The following KBTBD7 variants were observed in gnomAD, a reference collection of about 807,000 sequenced individuals.
The protein encoded by KBTBD7 is kelch repeat and BTB domain-containing protein 7.
A neutral mutation model predicts 50.3 loss-of-function variants in KBTBD7; 25 were observed. The ratio of observed to expected loss-of-function variants is 0.50; its 90% CI spans 0.36 to 0.69. KBTBD7 has a LOEUF of 0.69. Among genes scored for constraint, KBTBD7 ranks in the 30% least tolerant of loss-of-function variants. KBTBD7 has a pLI of 0.00. For synonymous variants in KBTBD7, 305 were observed against 325.3 expected (o/e 0.94, Z 0.67); for missense variants, 653 against 869.5 (o/e 0.75, Z 3.13).
chr13:41,194,416 CTCCCTTTATTGCATAGACAG>C lies in KBTBD7; in HGVS notation c.-179_-160del. ...ATTCAGCCCTATCCCGCGGTGAGGC[CTCCCTTTATTGCATAGACAG>C]TGGCTGACTCACCCTCTCTCACTCC... On this transcript the variant is annotated 5_prime_UTR_variant, in exon 1 of 1. An upstream start codon of the reference 5' UTR is lost. Transcript: ENST00000379483. The C allele has an allele frequency of 1.1e-6, 1 of 948,372 alleles. No homozygotes were observed. The highest frequency in any genetic ancestry group is 1.6e-6 in the Non-Finnish European group (1 of 640,934). The allele number at this position is 948,372 out of a possible 1,614,324, so 58.7% of individuals were successfully genotyped here. A position where few individuals can be genotyped will look rare whatever the true frequency, so the allele number is the denominator to read the frequency against.
Position 41,192,604 on chromosome 13 carries a change from A to G in KBTBD7, c.1654T>C (p.Leu552=). The G allele has an allele frequency of 6.2e-7, 1 of 1,614,162 alleles. No homozygotes were observed. Among genetic ancestry groups the G allele is most frequent in the African/African-American group, 1.3e-5 (1 of 75,026 alleles). ...GEWRRISNIP[L]DSETHNYQIV... Reference sequence around the variant, plus strand: ...TGGTAGTTGTGGGTCTCTGAATCCAAAGGAATATTACTAATCCGCCTCCAT... The same window carrying G: ...TGGTAGTTGTGGGTCTCTGAATCCAGAGGAATATTACTAATCCGCCTCCAT... Residue 552 remains leucine, a synonymous_variant, in exon 1 of 1, where the codon TTG becomes CTG. Coordinates refer to ENST00000379483, the MANE Select transcript of KBTBD7 (RefSeq NM_032138.7).
chr13:41,194,129 C>G lies in KBTBD7; in HGVS notation c.129G>C (p.Thr43=). ...GTGCCAGCAGGGCTGCAGAATGGGC[C>G]GTGTCCTTTAACTCCTCTGGACCCG... ...FFTGPEELKD[T]AHSAALLAQL... is the part of the protein sequence containing the mutation. Residue 43 remains threonine (T), a synonymous_variant, in exon 1 of 1, where the codon ACG becomes ACC. Coordinates refer to ENST00000379483, the MANE Select transcript of KBTBD7 (RefSeq NM_032138.7). The G allele has an allele frequency of 1.9e-6, 3 of 1,614,204 alleles. No homozygotes were observed. The highest frequency in any genetic ancestry group is 2.5e-6 in the Non-Finnish European group (3 of 1,180,052).
rs1279240759 is a variant in KBTBD7, at chr13:41,194,408, G to T, written c.-151C>A. The T allele has an allele frequency of 2.3e-5, 24 of 1,022,792 alleles. No individual in the cohort carries two copies. Among genetic ancestry groups the T allele is most frequent in the Non-Finnish European group, 3.2e-5 (23 of 708,124 alleles). 63.4% of individuals were successfully genotyped at this position (1,022,792 alleles called of 1,614,324 possible). A position where few individuals can be genotyped will look rare whatever the true frequency, so the allele number is the denominator to read the frequency against. On this transcript the variant is annotated 5_prime_UTR_variant, in exon 1 of 1. Transcript: ENST00000379483. Reference sequence around the variant, plus strand: ...ACTTCTGAATTCAGCCCTATCCCGCGGTGAGGCCTCCCTTTATTGCATAGA... The same window carrying T: ...ACTTCTGAATTCAGCCCTATCCCGCTGTGAGGCCTCCCTTTATTGCATAGA...
At position 41,194,167 on chromosome 13, in the gene KBTBD7, A is replaced by T. The variant is rs1216944316; in HGVS notation, c.91T>A (p.Ser31Thr). ...TCCTCTGGACCCGTGAAAAAGGCCG[A>T]AACCGAGGGCTTGGAAATCCTCTTG... Reference protein sequence around the residue: ...RPKRISKPSVSAFFTGPEELK... With the variant: ...RPKRISKPSVTAFFTGPEELK... The change falls in exon 1 of 1, where the codon TCG becomes ACG. Residue 31 changes from serine to threonine, a missense_variant. This residue lies in a region of KBTBD7 where 119 missense variants were observed against 125.0 expected (regional missense o/e 0.95). Transcript: ENST00000379483. The T allele has an allele frequency of 6.2e-7, 1 of 1,614,110 alleles. No individual in the cohort carries two copies. Among genetic ancestry groups the T allele is most frequent in the African/African-American group, 1.3e-5 (1 of 74,946 alleles).
Position 41,193,574 on chromosome 13 carries a change from C to T in KBTBD7, c.684G>A (p.Leu228=). Residue 228 remains leucine (L), a synonymous_variant, in exon 1 of 1, where the codon CTG becomes CTA. Coordinates refer to ENST00000379483, the MANE Select transcript of KBTBD7 (RefSeq NM_032138.7). This position sits in a 1 kb window ranked among gnomAD's most constrained non-coding sequence, Gnocchi z 5.7. Reference sequence around the variant, plus strand: ...GCTCACTCTCTATGTCCAGACTATCCAGGCGTAGGACAGCCAGCAGCTGGG... The same window carrying T: ...GCTCACTCTCTATGTCCAGACTATCTAGGCGTAGGACAGCCAGCAGCTGGG... ...TLAQLLAVLR[L]DSLDIESERT... 1 of 1,614,206 alleles carries T rather than the reference C, an allele frequency of 6.2e-7. No individual in the cohort carries two copies. The highest frequency in any genetic ancestry group is 8.5e-7 in the Non-Finnish European group (1 of 1,180,024).
chr13:41,193,159 A>C lies in KBTBD7; in HGVS notation c.1099T>G (p.Tyr367Asp). 7 of 1,614,212 alleles carry C rather than the reference A, an allele frequency of 4.3e-6. No homozygotes were observed. Among genetic ancestry groups the C allele is most frequent in the Non-Finnish European group, 5.9e-6 (7 of 1,180,042 alleles). Reference protein sequence around the residue: ...LCYDPYSGDIYTMPSPLTSFA... With the variant: ...LCYDPYSGDIDTMPSPLTSFA... The stretch of plus-strand genomic sequence containing the variant: ...CTGGTCAAAGGGGATGGCATTGTGT[A>C]AATGTCCCCCGAGTAAGGGTCATAG... Residue 367 changes from tyrosine to aspartate, a missense_variant, in exon 1 of 1, where the codon TAC becomes GAC. This residue lies in a region of KBTBD7 where 526 missense variants were observed against 717.1 expected (regional missense o/e 0.73). Coordinates refer to ENST00000379483, the MANE Select transcript of KBTBD7 (RefSeq NM_032138.7). This position sits in a 1 kb window ranked among gnomAD's most constrained non-coding sequence, Gnocchi z 5.7.
chr13:41,192,423 A>T lies in KBTBD7; in HGVS notation c.1835T>A (p.Ile612Asn). The change falls in exon 1 of 1, where the codon ATT becomes AAT. Residue 612 changes from isoleucine to asparagine, a missense_variant. Coordinates refer to ENST00000379483, the MANE Select transcript of KBTBD7 (RefSeq NM_032138.7). The part of the protein sequence containing the change: ...LGLLQFDSGF[I>N]CLCARVYPSC... Reference sequence around the variant, plus strand: ...AGGATAAACACGAGCACAAAGGCAAATAAAGCCAGAGTCAAACTGCAAAAG... The same window carrying T: ...AGGATAAACACGAGCACAAAGGCAATTAAAGCCAGAGTCAAACTGCAAAAG... The T allele has an allele frequency of 6.2e-7, 1 of 1,614,224 alleles. No individual in the cohort carries two copies. Among genetic ancestry groups the T allele is most frequent in the South Asian group, 1.1e-5 (1 of 91,082 alleles).
Position 41,192,320 on chromosome 13 carries a change from T to C in KBTBD7, c.1938A>G (p.Leu646=). 6.2e-7 allele frequency: 1 copy of C among 1,614,202 alleles called. No homozygotes were observed. The highest frequency in any genetic ancestry group is 1.3e-5 in the African/African-American group (1 of 75,052). ...CAGAGTCCAGCTCACTGAATCCATCTAAGTCCCATTCAGTACTAGACTCAC... is the reference window on the plus strand; with the variant it reads ...CAGAGTCCAGCTCACTGAATCCATCCAAGTCCCATTCAGTACTAGACTCAC... ...ARSESSTEWD[L]DGFSELDSES... is the part of the protein sequence containing the mutation. Residue 646 remains leucine, a synonymous_variant, in exon 1 of 1, where the codon TTA becomes TTG. Transcript: ENST00000379483.
rs2031359560 is a variant in KBTBD7 at position 41,190,500 on chromosome 13, G to C, written c.*1703C>G. 6.6e-6 allele frequency: 1 copy of C among 152,066 alleles called. No homozygotes were observed. Among genetic ancestry groups the C allele is most frequent in the Non-Finnish European group, 1.5e-5 (1 of 67,982 alleles). 9.4% of individuals were successfully genotyped at this position (152,066 alleles called of 1,614,324 possible). ...CCAGACTCCTCTGTCCTCTGCCAGGGTATAAGAAAAGTTAGCATTCTGTCA... is the reference window on the plus strand; with the variant it reads ...CCAGACTCCTCTGTCCTCTGCCAGGCTATAAGAAAAGTTAGCATTCTGTCA... On this transcript the variant is annotated 3_prime_UTR_variant, in exon 1 of 1. Coordinates refer to ENST00000379483, the MANE Select transcript of KBTBD7 (RefSeq NM_032138.7).
Position 41,192,640 on chromosome 13 carries a change from C to G in KBTBD7, c.1618G>C (p.Ala540Pro). 1.2e-6 allele frequency: 2 copies of G among 1,614,138 alleles called. No homozygotes were observed. Among genetic ancestry groups the G allele is most frequent in the Non-Finnish European group, 1.7e-6 (2 of 1,180,028 alleles). Residue 540 changes from alanine (A) to proline (P), a missense_variant, in exon 1 of 1, where the codon GCT (alanine) becomes CCT (proline). Ala to Pro is a conservative substitution (Grantham distance 27). Coordinates refer to ENST00000379483, the MANE Select transcript of KBTBD7 (RefSeq NM_032138.7). The part of the protein sequence containing the change: ...DIPVMKVYNP[A>P]RGEWRRISNI... ...CTAATCCGCCTCCATTCTCCCCTAGCTGGGTTGTAGACCTTCATGACTGGG... is the reference window on the plus strand; with the variant it reads ...CTAATCCGCCTCCATTCTCCCCTAGGTGGGTTGTAGACCTTCATGACTGGG...
rs2031446201 is a variant in KBTBD7 at position 41,193,472 on chromosome 13, G to C, written c.786C>G (p.Phe262Leu). 2 of 1,614,044 alleles carry C rather than the reference G, an allele frequency of 1.2e-6. No homozygotes were observed. Among genetic ancestry groups the C allele is most frequent in the East Asian group, 4.5e-5 (2 of 44,894 alleles). ...KERGPSAAEV[F>L]KCVRWMHFTE... ...TGAAGTGCATCCAGCGCACGCACTT[G>C]AAGACTTCTGCAGCACTGGGACCCC... The change falls in exon 1 of 1, where the codon TTC (phenylalanine) becomes TTG (leucine). Residue 262 changes from phenylalanine to leucine, a missense_variant. By Grantham distance (22) the Phe-to-Leu change is conservative (BLOSUM62 0). This residue lies in a region of KBTBD7 where 526 missense variants were observed against 717.1 expected (regional missense o/e 0.73). Coordinates refer to ENST00000379483, the MANE Select transcript of KBTBD7 (RefSeq NM_032138.7). This position sits in a 1 kb window ranked among gnomAD's most constrained non-coding sequence, Gnocchi z 5.7.
rs760470403 is a variant in KBTBD7 at position 41,192,315 on chromosome 13, C to T, written c.1943G>A (p.Gly648Glu). The change falls in exon 1 of 1, where the codon GGA becomes GAA. Residue 648 changes from glycine (G) to glutamate (E), a missense_variant. Gly to Glu is a moderately conservative substitution (Grantham distance 98, BLOSUM62 -2). This residue lies in a region of KBTBD7 where 526 missense variants were observed against 717.1 expected (regional missense o/e 0.73). Transcript: ENST00000379483. ...TGACTCAGAGTCCAGCTCACTGAAT[C>T]CATCTAAGTCCCATTCAGTACTAGA... is the stretch of plus-strand genomic sequence containing the variant. ...SESSTEWDLD[G>E]FSELDSESGS... 4.3e-6 allele frequency: 7 copies of T among 1,614,142 alleles called. No homozygotes were observed. In the South Asian group the frequency reaches 6.6e-5, roughly 15 times the overall value.
At position 41,194,427 on chromosome 13, in the gene KBTBD7, G is replaced by T. The variant is rs1178611772; in HGVS notation, c.-170C>A. 7.1e-6 allele frequency: 6 copies of T among 841,578 alleles called. No individual in the cohort carries two copies. The highest frequency in any genetic ancestry group is 1.1e-5 in the Non-Finnish European group (6 of 544,790). 52.1% of individuals were successfully genotyped at this position (841,578 alleles called of 1,614,324 possible). ...TCCCGCGGTGAGGCCTCCCTTTATTGCATAGACAGTGGCTGACTCACCCTC... is the reference window on the plus strand; with the variant it reads ...TCCCGCGGTGAGGCCTCCCTTTATTTCATAGACAGTGGCTGACTCACCCTC... On this transcript the variant is annotated 5_prime_UTR_variant, in exon 1 of 1. Coordinates refer to ENST00000379483, the MANE Select transcript of KBTBD7 (RefSeq NM_032138.7).
Position 41,193,538 on chromosome 13 carries a change from G to T in KBTBD7, c.720C>A (p.Cys240Ter). The change falls in exon 1 of 1, where the codon TGC becomes TGA. Residue 240 changes from cysteine to a stop codon, truncating the protein, a stop_gained. Transcript: ENST00000379483. LOFTEE classifies it high-confidence loss of function. The surrounding 1 kb of genome is among the most constrained non-coding windows in gnomAD (Gnocchi z 5.7). ...CCTCCAGCCACTGCACAGCTACATG[G>T]CATACAGTCCGCTCACTCTCTATGT... ...SLDIESERTV[C>*]HVAVQWLEAA... 6.2e-7 allele frequency: 1 copy of T among 1,614,192 alleles called. No individual in the cohort carries two copies. Among genetic ancestry groups the T allele is most frequent in the Non-Finnish European group, 8.5e-7 (1 of 1,180,042 alleles).
At position 41,189,836 on chromosome 13, in the gene KBTBD7, G is replaced by C. The variant is rs2031344988; in HGVS notation, c.*2367C>G. Reference sequence around the variant, plus strand: ...TTGAATTAGAAAGTCAGGAAACCTGGGTTCTAGTACCAGTTTTATTTATAA... The same window carrying C: ...TTGAATTAGAAAGTCAGGAAACCTGCGTTCTAGTACCAGTTTTATTTATAA... On this transcript the variant is annotated 3_prime_UTR_variant, in exon 1 of 1. Coordinates refer to ENST00000379483, the MANE Select transcript of KBTBD7 (RefSeq NM_032138.7). 6.6e-6 allele frequency: 1 copy of C among 152,110 alleles called. No individual in the cohort carries two copies. 9.4% of individuals were successfully genotyped at this position (152,110 alleles called of 1,614,324 possible). A position where few individuals can be genotyped will look rare whatever the true frequency, so the allele number is the denominator to read the frequency against.
In KBTBD7 at chr13:41,190,295, T is replaced by A. The variant is rs1270463206; in HGVS notation, c.*1908A>T. The A allele has an allele frequency of 6.6e-6, 1 of 152,192 alleles. No individual in the cohort carries two copies. The highest frequency in any genetic ancestry group is 1.5e-5 in the Non-Finnish European group (1 of 68,008). The allele number at this position is 152,192 out of a possible 1,614,324, so 9.4% of individuals were successfully genotyped here. On this transcript the variant is annotated 3_prime_UTR_variant, in exon 1 of 1. Transcript: ENST00000379483. Reference sequence around the variant, plus strand: ...GGTCACTAAAGCATGTTTACCCTTTTGAAGAAACATGTATTGCTAGGTCAG... The same window carrying A: ...GGTCACTAAAGCATGTTTACCCTTTAGAAGAAACATGTATTGCTAGGTCAG...
chr13:41,193,680 T>TG lies in KBTBD7; in HGVS notation c.577dup (p.Gln193ProfsTer38), dbSNP rs1273142077. ...CTTGAAGTTGTGAGCTATGTAGGAC[T>TG]GGGCCTGAGATCGAAGCTTGTGATG... On this transcript the variant is annotated frameshift_variant, in exon 1 of 1. Transcript: ENST00000379483. LOFTEE classifies it high-confidence loss of function. This position sits in a 1 kb window ranked among gnomAD's most constrained non-coding sequence, Gnocchi z 5.7. 9 of 1,614,098 alleles carry TG rather than the reference T, an allele frequency of 5.6e-6. No homozygotes were observed. The Admixed American group carries it at 1.5e-4, about 27-fold the overall frequency.
In KBTBD7 at chr13:41,191,968, A is replaced by T. The variant is rs1369268623; in HGVS notation, c.*235T>A. ...GAACAATGAAAAAAACCTACCAAGC[A>T]TCCTAATCAATTATATAGTTCTTGC... is the stretch of plus-strand genomic sequence containing the variant. On this transcript the variant is annotated 3_prime_UTR_variant, in exon 1 of 1. Coordinates refer to ENST00000379483, the MANE Select transcript of KBTBD7 (RefSeq NM_032138.7). 2.1e-5 allele frequency: 9 copies of T among 418,732 alleles called. No homozygotes were observed. Among genetic ancestry groups the T allele is most frequent in the Non-Finnish European group, 3.8e-5 (9 of 236,716 alleles). The allele number at this position is 418,732 out of a possible 1,614,324, so 25.9% of individuals were successfully genotyped here.
In KBTBD7 at chr13:41,192,280, T is replaced by C. The variant is rs767387311; in HGVS notation, c.1978A>G (p.Ser660Gly). ...SELDSESGSS[S>G]SFSDDEVWVQ... ...CAGACTTCATCATCTGAAAAAGAAC[T>C]TGAACTTCCTGACTCAGAGTCCAGC... Residue 660 changes from serine to glycine, a missense_variant, in exon 1 of 1, where the codon AGT becomes GGT. This residue lies in a region of KBTBD7 where 526 missense variants were observed against 717.1 expected (regional missense o/e 0.73). Coordinates refer to ENST00000379483, the MANE Select transcript of KBTBD7 (RefSeq NM_032138.7). 2 of 1,614,192 alleles carry C rather than the reference T, an allele frequency of 1.2e-6. No homozygotes were observed. Among genetic ancestry groups the C allele is most frequent in the Non-Finnish European group, 1.7e-6 (2 of 1,180,022 alleles).
Sources: allele counts gnomAD v4.1 joint callset, GRCh38; gene constraint gnomAD v4.1.1; regional missense constraint gnomAD v4.1.1; non-coding constraint Gnocchi (gnomAD v3.1); transcripts MANE v1.5; gene names NCBI Gene and HGNC (gene_info 2026-07-23, HGNC 2026-07-21).